GLRA1: variants seen among roughly 807,000 people sequenced by gnomAD.
GLRA1 encodes the protein glycine receptor alpha 1.
A neutral mutation model predicts 48.3 loss-of-function variants in GLRA1; 37 were observed. That is an observed-to-expected ratio of 0.77 (90% CI 0.59 to 1.01). The LOEUF (loss-of-function observed/expected upper bound fraction) is 1.01. Among genes scored for constraint, GLRA1 ranks in the 50% least tolerant of loss-of-function variants. The probability of loss-of-function intolerance (pLI) is 0.00; values close to 1 mark genes in which losing one functional copy is unlikely to be tolerated. For missense variants in GLRA1, 427 were observed against 571.0 expected (o/e 0.75, Z 2.57); for synonymous variants, 196 against 210.7 (o/e 0.93, Z 0.60).
At chr5:151,836,705 C>T (rs1298741446) in intron 7 of GLRA1, among the ~76,000 whole-genome samples, 1 of 152,112 alleles carries the variant, frequency 6.6e-6, no homozygotes, top group African/African-American at 2.4e-5. Flanking sequence ...GAAAGGATTC[C>T]CTATTCAATA....
At chr5:151,878,930 C>G (rs2113392073) in intron 3 of GLRA1, among the ~76,000 whole-genome samples, 1 of 152,358 alleles carries the variant, frequency 6.6e-6, no homozygotes, top group East Asian at 1.9e-4. Flanking sequence ...CACAGAGTCC[C>G]TACTTGGGCA....
chr5:151,890,226 T>C (rs1754028804), intron 2 of GLRA1, among the ~76,000 whole-genome samples: 1 of 148,026 alleles, frequency 6.8e-6, no homozygotes, highest in African/African-American at 2.5e-5. Flanking sequence ...CCTAGCATAT[T>C]TGTGGGGTCA....
chr5:151,824,934 CA>C (rs1276951260), intron 8 of GLRA1, among the ~76,000 whole-genome samples: 1 of 152,094 alleles, frequency 6.6e-6, no homozygotes, highest in Non-Finnish European at 1.5e-5. Context: ...ATATCTTCAC[CA>C]GCTTTAGTGT....
chr5:151,846,870 C>G (rs1276420151), intron 7 of GLRA1, among the ~76,000 whole-genome samples: 1 of 151,938 alleles, frequency 6.6e-6, no homozygotes, highest in African/African-American at 2.4e-5. Context: ...CAATAATAAC[C>G]ATTGAGTTAA....
intron 7 of GLRA1, among the ~76,000 whole-genome samples, chr5:151,838,525 T>C (rs535459365): frequency 6.6e-6 from 1 of 151,922 alleles, no homozygotes; most frequent in East Asian, 1.9e-4. Context: ...AAAAGTAAAA[T>C]AACTGAAATG....
At chr5:151,842,975 A>G (rs1251973172) in intron 7 of GLRA1, among the ~76,000 whole-genome samples, 1 of 152,214 alleles carries the variant, frequency 6.6e-6, no homozygotes, top group Non-Finnish European at 1.5e-5. Context: ...TAAACTTAAA[A>G]ACAATTCAAT....
chr5:151,892,757 T>C (rs1754111528), intron 1 of GLRA1, among the ~76,000 whole-genome samples: 1 of 152,154 alleles, frequency 6.6e-6, no homozygotes, highest in African/African-American at 2.4e-5. Flanking sequence ...GATTGGAGGG[T>C]TAGTCTTTTG....
chr5:151,917,291 TC>T (rs890416897), intron 1 of GLRA1, among the ~76,000 whole-genome samples: 6 of 152,196 alleles, frequency 3.9e-5, no homozygotes, highest in African/African-American at 1.4e-4. Context: ...TCTTAGCAGA[TC>T]CTCAGGTGAT....
At chr5:151,916,041 A>T (rs1236883314) in intron 1 of GLRA1, among the ~76,000 whole-genome samples, 1 of 152,196 alleles carries the variant, frequency 6.6e-6, no homozygotes, top group African/African-American at 2.4e-5. Context: ...TACCAGCTCA[A>T]AGTGGCTGCA....
At chr5:151,906,923 A>G (rs1415556211) in intron 1 of GLRA1, among the ~76,000 whole-genome samples, 1 of 152,224 alleles carries the variant, frequency 6.6e-6, no homozygotes, top group Admixed American at 6.5e-5. Context: ...GCTGCCTGAT[A>G]CATGTGAGGA....
chr5:151,846,035 A>C (rs1457845736), intron 7 of GLRA1, among the ~76,000 whole-genome samples: 1 of 152,198 alleles, frequency 6.6e-6, no homozygotes, highest in Admixed American at 6.5e-5. Flanking sequence ...TTAAGTATCC[A>C]TTTATTGTTA....
chr5:151,874,723 G>C (rs917510513), intron 3 of GLRA1, among the ~76,000 whole-genome samples: 4 of 152,176 alleles, frequency 2.6e-5, no homozygotes, highest in Non-Finnish European at 4.4e-5. Flanking sequence ...AGGTAGGGGG[G>C]TGGAGAAGGA....
intron 3 of GLRA1, among the ~76,000 whole-genome samples, chr5:151,884,697 A>G (rs1194329115): frequency 6.6e-6 from 1 of 152,200 alleles, no homozygotes; most frequent in African/African-American, 2.4e-5. Flanking sequence ...TTTGGTCATT[A>G]TCAGGAAACG....
intron 7 of GLRA1, among the ~76,000 whole-genome samples, chr5:151,830,474 C>A (rs1425999151): frequency 6.6e-6 from 1 of 152,206 alleles, no homozygotes; most frequent in Non-Finnish European, 1.5e-5. Flanking sequence ...TGTGTGCAAG[C>A]TTAGAGCTGT....
At chr5:151,877,686 A>G (rs1753660441) in intron 3 of GLRA1, among the ~76,000 whole-genome samples, 1 of 152,188 alleles carries the variant, frequency 6.6e-6, no homozygotes, top group Non-Finnish European at 1.5e-5. Flanking sequence ...TTCTCGTGAT[A>G]GTGAATAAGC....
chr5:151,914,634 C>T (rs1340419734), intron 1 of GLRA1, among the ~76,000 whole-genome samples: 1 of 152,152 alleles, frequency 6.6e-6, no homozygotes, highest in Non-Finnish European at 1.5e-5. Context: ...CCCCACATTC[C>T]TAGCTAGCTT....
intron 8 of GLRA1, among the ~76,000 whole-genome samples, chr5:151,827,026 TCTG>T (rs1330664735): frequency 3.6e-5 from 5 of 140,614 alleles, no homozygotes; most frequent in African/African-American, 1.1e-4. Flanking sequence ...TTTCTTTCTT[TCTG>T]TTTTTTTTTT....
chr5:151,844,113 T>C (rs1752601237), intron 7 of GLRA1, among the ~76,000 whole-genome samples: 1 of 151,054 alleles, frequency 6.6e-6, no homozygotes, highest in African/African-American at 2.4e-5. Context: ...GAGGTTGCAG[T>C]GAGTCAAGAT....
chr5:151,840,169 C>T (rs1316214634), intron 7 of GLRA1, among the ~76,000 whole-genome samples: 1 of 151,730 alleles, frequency 6.6e-6, no homozygotes, highest in Non-Finnish European at 1.5e-5. Context: ...GCATGGCTCA[C>T]TGCAGCCTCA....
Sources: allele counts gnomAD v4.1 joint callset (sites outside exome capture counted in the v4.1 genomes callset), GRCh38; gene constraint gnomAD v4.1.1; transcripts MANE v1.5; gene names NCBI Gene and HGNC (gene_info 2026-07-23, HGNC 2026-07-21).